Variants in PILRA observed in about 807,000 individuals in gnomAD.
PILRA encodes the protein paired immunoglobin like type 2 receptor alpha.
A neutral mutation model predicts 33.1 loss-of-function variants in PILRA; 37 were observed. The observed-to-expected ratio is 1.12, with a 90% confidence interval of 0.86 to 1.47. PILRA has a LOEUF of 1.47. PILRA is among the 40% of genes most tolerant of loss of function. The pLI, the probability that PILRA is intolerant of heterozygous loss-of-function variation, is 0.00. For missense variants in PILRA, 312 were observed against 376.2 expected, an observed-to-expected ratio of 0.83 and a Z score of 1.41; for synonymous variants, 146 against 149.9, an observed-to-expected ratio of 0.97 and a Z score of 0.19.
chr7:100,372,333 G>T (rs1033232466), upstream of PILRA, among the ~76,000 whole-genome samples: 6 of 152,168 alleles, frequency 3.9e-5, no homozygotes, highest in African/African-American at 1.4e-4. Flanking sequence ...GCCCTGGGAA[G>T]CACAGAGGAG....
intron 4 of PILRA, among the ~76,000 whole-genome samples, chr7:100,398,472 C>T (rs771866319): frequency 2.0e-5 from 3 of 152,118 alleles, no homozygotes; most frequent in Non-Finnish European, 4.4e-5. Context: ...CTTTCCTTTC[C>T]TCTGGCCCCT....
chr7:100,382,127 C>T (rs1436348361), intron 2 of PILRA, among the ~76,000 whole-genome samples: 1 of 152,134 alleles, frequency 6.6e-6, no homozygotes, highest in African/African-American at 2.4e-5. Flanking sequence ...GGGAGCAAGG[C>T]GCAGAACTGG....
chr7:100,381,950 C>CT (rs986187564), intron 2 of PILRA, among the ~76,000 whole-genome samples: 5 of 152,202 alleles, frequency 3.3e-5, no homozygotes, highest in Non-Finnish European at 5.9e-5. Context: ...CCTTAGCTGC[C>CT]TCCCGGCAGG....
intron 2 of PILRA, among the ~76,000 whole-genome samples, chr7:100,383,367 T>A (rs1277964849): frequency 6.6e-6 from 1 of 152,102 alleles, no homozygotes; most frequent in Non-Finnish European, 1.5e-5. Flanking sequence ...AACGCAGGGA[T>A]AGAAGAACTG....
At chr7:100,386,009 A>C (rs1791245099) in intron 2 of PILRA, among the ~76,000 whole-genome samples, 1 of 150,864 alleles carries the variant, frequency 6.6e-6, no homozygotes, top group South Asian at 2.1e-4. Flanking sequence ...AGCTCACTGC[A>C]ATCTCTGCCT....
At chr7:100,397,821 G>T (rs1791530872) in intron 3 of PILRA, 58 bp from the exon 4 acceptor site, 1 of 1,568,222 alleles carries the variant, frequency 6.4e-7, no homozygotes, top group Non-Finnish European at 8.8e-7. Context: ...CAGAGAAGGT[G>T]GGATGGAGAC....
intron 2 of PILRA, among the ~76,000 whole-genome samples, chr7:100,384,913 C>T (rs192112099): frequency 4.4e-4 from 67 of 152,210 alleles, no homozygotes; most frequent in Admixed American, 1.5e-3. Flanking sequence ...TCAACAGAGA[C>T]GTCTCAGAAG....
At chr7:100,388,427 G>T (rs889501774) in intron 2 of PILRA, among the ~76,000 whole-genome samples, 11 of 151,880 alleles carry the variant, frequency 7.2e-5, no homozygotes, top group South Asian at 2.1e-4. Context: ...TTACAGATGT[G>T]TTCTCACTTA....
intron 2 of PILRA, among the ~76,000 whole-genome samples, chr7:100,375,224 G>T (rs73161753): frequency 1.3e-5 from 2 of 152,068 alleles, no homozygotes; most frequent in Non-Finnish European, 2.9e-5. Flanking sequence ...GGATGTGTCT[G>T]CAGAAGCAAG....
At position 100,399,902 on chromosome 7, in the gene PILRA, G is replaced by T. The variant is rs372010118; in HGVS notation, c.907G>T (p.Ala303Ser). Residue 303 changes from alanine (A) to serine (S), a missense_variant, in exon 7 of 7, where the codon GCC (alanine) becomes TCC (serine). Transcript: ENST00000198536. ...CGAGACCCTGTACTCTGTCTTAAAGGCCTAACCAATGGACAGCCCTCTCAA... is the reference window on the plus strand; with the variant it reads ...CGAGACCCTGTACTCTGTCTTAAAGTCCTAACCAATGGACAGCCCTCTCAA... Reference protein sequence around the residue: ...QNETLYSVLKA With the variant: ...QNETLYSVLKS The T allele has an allele frequency of 6.2e-7, 1 of 1,605,382 alleles. No homozygotes were observed. The highest frequency in any genetic ancestry group is 1.1e-5 in the South Asian group (1 of 90,012).
At chr7:100,372,313 G>A (rs1020375972), upstream of PILRA, among the ~76,000 whole-genome samples, 6 of 152,268 alleles carry the variant, frequency 3.9e-5, no homozygotes, top group East Asian at 5.8e-4. Flanking sequence ...AGGGCGGGCC[G>A]GCCTGGCTGG....
chr7:100,380,895 C>T (rs1376502490), intron 2 of PILRA, among the ~76,000 whole-genome samples: 3 of 151,994 alleles, frequency 2.0e-5, no homozygotes, highest in South Asian at 2.1e-4. Flanking sequence ...CACTTGAACC[C>T]GGGAGGAGGA....
intron 2 of PILRA, among the ~76,000 whole-genome samples, chr7:100,381,009 G>C (rs936499026): frequency 6.6e-6 from 1 of 151,824 alleles, no homozygotes; most frequent in Non-Finnish European, 1.5e-5. Context: ...GCTCACGCCT[G>C]TAATCCCAGC....
rs761507310 is a variant in PILRA, at chr7:100,389,894, C to T, written c.461C>T (p.Thr154Met). The T allele has an allele frequency of 8.1e-6, 13 of 1,613,574 alleles. No homozygotes were observed. Among genetic ancestry groups the T allele is most frequent in the South Asian group, 4.4e-5 (4 of 91,064 alleles). ...ATTCCTCATCTCTCCCCAGCTGTCA[C>T]GACCACCACCCAGAGGCCCAGCAGC... ...GTKLSITQAV[T>M]TTTQRPSSMT... The change falls in exon 3 of 7, where the codon ACG becomes ATG. Residue 154 changes from threonine (T) to methionine (M), a missense_variant. Physicochemically the swap from Thr to Met is moderately conservative, Grantham distance 81. Transcript: ENST00000198536.
upstream of PILRA, among the ~76,000 whole-genome samples, chr7:100,371,705 C>CCCT (rs1352042961): frequency 2.6e-5 from 4 of 152,190 alleles, no homozygotes; most frequent in South Asian, 8.3e-4. Flanking sequence ...CTCCTCCAGG[C>CCCT]CCTCCTCCTC....
chr7:100,399,653 C>A, intron 6 of PILRA, 41 bp downstream of exon 6: 1 of 1,613,194 alleles, frequency 6.2e-7, no homozygotes, highest in African/African-American at 1.3e-5. Context: ...TAAAGAGAAG[C>A]CTGGAGAAGG....
intron 3 of PILRA, among the ~76,000 whole-genome samples, chr7:100,396,124 AAAAT>A (rs376347557): frequency 2.0e-4 from 31 of 151,970 alleles, no homozygotes; most frequent in African/African-American, 6.5e-4. Context: ...ACTTCATCTC[AAAAT>A]AAATAAATAA....
At chr7:100,376,490 T>C (rs879262393) in intron 2 of PILRA, 1 of 150,870 alleles carries the variant, frequency 6.6e-6, no homozygotes, top group Non-Finnish European at 1.5e-5. Context: ...GTGTTTTTTT[T>C]TTTTTTTTTT....
At chr7:100,372,284 C>T (rs1790833810), upstream of PILRA, among the ~76,000 whole-genome samples, 1 of 141,126 alleles carries the variant, frequency 7.1e-6, no homozygotes, top group Non-Finnish European at 1.5e-5. Context: ...CCTGTTTCCT[C>T]AGGCCTGTAA....
Sources: gnomAD v4.1 joint callset for allele counts (sites outside exome capture counted in the v4.1 genomes callset) on GRCh38, gnomAD v4.1.1 for gene constraint, MANE v1.5 for transcripts, NCBI Gene and HGNC (gene_info 2026-07-23, HGNC 2026-07-21) for gene names.